The following HOXC4 variants were observed in gnomAD, a reference collection of about 807,000 sequenced individuals.
HOXC4 encodes the protein homeobox C4, also known as homeobox protein Hox-C4.
A neutral mutation model predicts 25.5 loss-of-function variants in HOXC4; 15 were observed. The observed-to-expected ratio is 0.59, with a 90% CI of 0.39 to 0.91. The LOEUF is 0.91. Among genes scored for constraint, HOXC4 ranks in the 40% least tolerant of loss-of-function variants. HOXC4 has a pLI of 0.00. For synonymous variants in HOXC4, 165 were observed against 148.0 expected (o/e 1.11, Z -0.83); for missense variants, 342 against 352.4 (o/e 0.97, Z 0.24).
chr12:54,053,726 C>G (rs1012385428), upstream of HOXC4, among the ~76,000 whole-genome samples: 1 of 152,048 alleles, frequency 6.6e-6, no homozygotes, highest in Non-Finnish European at 1.5e-5. Flanking sequence ...GCACCACCAC[C>G]ACCACACACA....
rs933095437 is a variant in HOXC4, at chr12:54,054,438, G to GC, written c.439+82dup. On this transcript the variant is annotated intron_variant, in intron 1 of 1. Coordinates refer to ENST00000430889, the MANE Select transcript of HOXC4 (RefSeq NM_153633.3). ...TCCCCACCCTCCTCGGCCCCCTCTG[G>GC]CCCCCGTCCTCCTTTCTCTCCTTCC... 6.4e-6 allele frequency: 6 copies of GC among 933,618 alleles called. No homozygotes were observed. In the African/African-American group the frequency reaches 9.1e-5, roughly 14 times the overall value. 57.8% of individuals were successfully genotyped at this position (933,618 alleles called of 1,614,324 possible). A position where few individuals can be genotyped will look rare whatever the true frequency, so the allele number is the denominator to read the frequency against.
At chr12:54,033,913 C>T (rs1474410385) in intron 1 of HOXC4, 1 of 434,750 alleles carries the variant, frequency 2.3e-6, no homozygotes, top group Non-Finnish European at 4.4e-6. Context: ...GCGGAGCCGG[C>T]TCCGCCGGCG....
At chr12:54,026,265 G>C (rs963403834) in intron 1 of HOXC4, among the ~76,000 whole-genome samples, 1 of 152,128 alleles carries the variant, frequency 6.6e-6, no homozygotes, top group South Asian at 2.1e-4. Flanking sequence ...TCAGTCCCCA[G>C]AGTACTCCTG....
intron 1 of HOXC4, chr12:54,021,823 C>T (rs1940461873): frequency 6.6e-6 from 1 of 152,356 alleles, no homozygotes. Flanking sequence ...CTTGTTTTGT[C>T]TGCTGCCACC....
chr12:54,020,404 T>C (rs1278685215), intron 1 of HOXC4: 3 of 152,212 alleles, frequency 2.0e-5, no homozygotes, highest in Non-Finnish European at 4.4e-5. Flanking sequence ...GGTTCCTAGC[T>C]AAGGAGAATT....
chr12:54,017,982 A>T (rs765366292), intron 1 of HOXC4, among the ~76,000 whole-genome samples: 10 of 152,184 alleles, frequency 6.6e-5, no homozygotes, highest in Non-Finnish European at 1.2e-4. Flanking sequence ...GCCGCCGAGC[A>T]GGAAGCCGGC....
intron 1 of HOXC4, among the ~76,000 whole-genome samples, chr12:54,035,983 C>T (rs1452338168): frequency 7.9e-5 from 12 of 152,124 alleles, no homozygotes; most frequent in African/African-American, 2.9e-4. Flanking sequence ...ACTGTTTCCA[C>T]CACCTTCTAG....
chr12:54,042,651 G>A (rs1410049366), intron 1 of HOXC4, among the ~76,000 whole-genome samples: 1 of 152,216 alleles, frequency 6.6e-6, no homozygotes, highest in Non-Finnish European at 1.5e-5. Context: ...ACCACCCTGA[G>A]CCTCTTCTTT....
chr12:54,037,608 G>T (rs1477925446), intron 1 of HOXC4, among the ~76,000 whole-genome samples: 1 of 151,832 alleles, frequency 6.6e-6, no homozygotes, highest in African/African-American at 2.4e-5. Context: ...AATAAATAAG[G>T]ATCCACCCTC....
At chr12:54,032,136 T>C (rs1241449138) in intron 1 of HOXC4, among the ~76,000 whole-genome samples, 1 of 152,234 alleles carries the variant, frequency 6.6e-6, no homozygotes, top group African/African-American at 2.4e-5. Context: ...CTCTAGACCA[T>C]TGTCTGGCTC....
upstream of HOXC4, among the ~76,000 whole-genome samples, chr12:54,052,428 G>A (rs1274176501): frequency 6.6e-6 from 1 of 152,188 alleles, no homozygotes; most frequent in Non-Finnish European, 1.5e-5. Context: ...GGCAAGCTAT[G>A]ATTTTAAACT....
At chr12:54,030,021 C>T in intron 1 of HOXC4, 1 of 1,373,592 alleles carries the variant, frequency 7.3e-7, no homozygotes, top group Non-Finnish European at 9.8e-7. Context: ...CCAACTCTCC[C>T]CTAATCACAC....
intron 1 of HOXC4, among the ~76,000 whole-genome samples, chr12:54,042,798 A>G (rs555197583): frequency 6.6e-5 from 10 of 152,262 alleles, no homozygotes; most frequent in Admixed American, 2.6e-4. Context: ...AGAAAGTCAC[A>G]TCCTTTCCTA....
chr12:54,026,964 T>TG (rs71068201), intron 1 of HOXC4, among the ~76,000 whole-genome samples: 3,005 of 127,214 alleles, frequency 0.024, 54 homozygotes, highest in African/African-American at 0.058. Flanking sequence ...CCAAAAATGG[T>TG]GGGGGGGGGG....
In HOXC4 at chr12:54,027,639, C is replaced by T. The variant is rs556420200; in HGVS notation, c.-124+10225C>T. Among the ~76,000 whole-genome samples the T allele has an allele frequency of 4.1e-3, 528 of 127,266 alleles. 1 individual carries two copies. The highest frequency in any genetic ancestry group is 0.015 in the African/African-American group (510 of 34,672). The allele number at this position is 127,266 out of a possible 152,430, so 83.5% of individuals were successfully genotyped here. ...ACTTCTTTTTCTCCTTTTTCTATTG[C>T]ATTTTTTATACATTTTCCCTTTTAG... On this transcript the variant is annotated intron_variant, in intron 1 of 3. Transcript: ENST00000303406.
rs148638675 is a variant in HOXC4, at chr12:54,029,865, C to T, written c.-124+12451C>T. Reference sequence around the variant, plus strand: ...TGGAAAAAAGAATCTAATCTCACATCCACTCTCTCGGGGGGCGGCGGAGGG... The same window carrying T: ...TGGAAAAAAGAATCTAATCTCACATTCACTCTCTCGGGGGGCGGCGGAGGG... On this transcript the variant is annotated intron_variant, in intron 1 of 3. Coordinates refer to the HOXC4 transcript ENST00000303406. The T allele has an allele frequency of 2.0e-4, 320 of 1,613,628 alleles. No individual in the cohort carries two copies. The highest frequency in any genetic ancestry group is 2.5e-4 in the Non-Finnish European group (295 of 1,179,780).
upstream of HOXC4, among the ~76,000 whole-genome samples, chr12:54,052,572 G>GA (rs1555187289): frequency 6.7e-6 from 1 of 149,186 alleles, no homozygotes; most frequent in South Asian, 2.1e-4. Context: ...CCCTAGCTGG[G>GA]GGGGGGGGGT....
chr12:54,027,882 T>C (rs1190715907), intron 1 of HOXC4, among the ~76,000 whole-genome samples: 4 of 152,174 alleles, frequency 2.6e-5, no homozygotes, highest in African/African-American at 7.2e-5. Flanking sequence ...ACAGGTTTTA[T>C]GAAATTTCTT....
chr12:54,053,888 A>T lies in HOXC4; in HGVS notation c.-35A>T. ...GGGCTTTATGGAGCAGAAAAACGACAAAGCGAGAAAAATTATTTTCCACTC... is the reference window on the plus strand; with the variant it reads ...GGGCTTTATGGAGCAGAAAAACGACTAAGCGAGAAAAATTATTTTCCACTC... On this transcript the variant is annotated 5_prime_UTR_variant, in exon 1 of 2. The change creates a premature stop within an existing upstream ORF in the 5' untranslated region. Transcript: ENST00000430889. 1.3e-6 allele frequency: 2 copies of T among 1,553,816 alleles called. No individual in the cohort carries two copies. The highest frequency in any genetic ancestry group is 1.8e-6 in the Non-Finnish European group (2 of 1,132,902).
Sources: gnomAD v4.1 joint callset for allele counts (sites outside exome capture counted in the v4.1 genomes callset) on GRCh38, gnomAD v4.1.1 for gene constraint, MANE v1.5 for transcripts, NCBI Gene and HGNC (gene_info 2026-07-23, HGNC 2026-07-21) for gene names.